The following PRTFDC1 variants were observed in gnomAD, a reference collection of about 807,000 sequenced individuals.
PRTFDC1 encodes phosphoribosyltransferase domain-containing protein 1.
PRTFDC1 carries 38 observed loss-of-function variants against 34.6 expected under a neutral mutation model. That is an observed-to-expected ratio of 1.10 (90% CI 0.85 to 1.44). The LOEUF (loss-of-function observed/expected upper bound fraction) is 1.44, where lower values mean the gene tolerates loss of function less well. Among genes scored for constraint, PRTFDC1 ranks in the 40% most tolerant of loss-of-function variants. The pLI is 0.00. For missense variants in PRTFDC1, 270 were observed against 283.0 expected (o/e 0.95, Z 0.33); for synonymous variants, 93 against 98.1 (o/e 0.95, Z 0.31).
chr10:24,849,693 C>T lies in PRTFDC1; in HGVS notation c.*151G>A, dbSNP rs1407415027. ...AACCTTTGATACTCTTTATATTAACCTCAGAAAAGAAAGCTCTCTCATTTG... is the reference window on the plus strand; with the variant it reads ...AACCTTTGATACTCTTTATATTAACTTCAGAAAAGAAAGCTCTCTCATTTG... On this transcript the variant is annotated 3_prime_UTR_variant, in exon 9 of 9. Coordinates refer to ENST00000320152, the MANE Select transcript of PRTFDC1 (RefSeq NM_020200.7). The T allele has an allele frequency of 6.1e-6, 4 of 657,524 alleles. No homozygotes were observed. In the East Asian group the frequency reaches 8.0e-5, roughly 13 times the overall value. 40.7% of individuals were successfully genotyped at this position (657,524 alleles called of 1,614,324 possible).
intron 3 of PRTFDC1, among the ~76,000 whole-genome samples, chr10:24,893,764 CA>C (rs1438938017): frequency 1.3e-5 from 2 of 152,112 alleles, no homozygotes; most frequent in East Asian, 3.9e-4. Context: ...ATCGTTGGTC[CA>C]AGCTCACTCA....
At chr10:24,935,898 C>T (rs1050504927) in intron 3 of PRTFDC1, among the ~76,000 whole-genome samples, 1 of 152,192 alleles carries the variant, frequency 6.6e-6, no homozygotes, top group African/African-American at 2.4e-5. Context: ...AGCTTGCCAA[C>T]AGTCAGTGAT....
chr10:24,908,441 C>A, intron 3 of PRTFDC1: 1 of 1,557,946 alleles, frequency 6.4e-7, no homozygotes, highest in Admixed American at 1.7e-5. Context: ...ACAGCCAGGG[C>A]TTGAAGACAG....
chr10:24,937,508 T>C (rs1383257447), intron 2 of PRTFDC1, 141 bp from the exon 3 acceptor site: 17 of 663,622 alleles, frequency 2.6e-5, no homozygotes, highest in East Asian at 6.0e-5. Context: ...AACCCACCGA[T>C]AGAAAAGCTT....
At chr10:24,908,558 A>G in intron 3 of PRTFDC1, 4 of 1,612,834 alleles carry the variant, frequency 2.5e-6, no homozygotes, top group Non-Finnish European at 3.4e-6. Context: ...GGGAATGAGC[A>G]CTTGGAGGTA....
At chr10:24,898,286 CAAAA>C (rs34691185) in intron 3 of PRTFDC1, among the ~76,000 whole-genome samples, 2 of 75,186 alleles carry the variant, frequency 2.7e-5, no homozygotes, top group Admixed American at 3.6e-4. Flanking sequence ...CCCGTCTCTA[CAAAA>C]AAAAAAAAAA....
intron 3 of PRTFDC1, among the ~76,000 whole-genome samples, chr10:24,934,141 C>T (rs796144765): frequency 7.9e-5 from 12 of 151,988 alleles, no homozygotes; most frequent in African/African-American, 2.9e-4. Context: ...ATAGAAACAA[C>T]CCAAATATCC....
chr10:24,871,868 C>A lies in PRTFDC1; in HGVS notation c.405+130G>T, dbSNP rs949699456. On this transcript the variant is annotated intron_variant, in intron 4 of 8. Coordinates refer to ENST00000320152, the MANE Select transcript of PRTFDC1 (RefSeq NM_020200.7). ...GAAAGGGGAGATCATTAAAAGGATT[C>A]ACGCAGCCATTTGTATGAATTGGAA... 6.2e-5 allele frequency: 43 copies of A among 696,086 alleles called. 1 individual carries two copies. Among genetic ancestry groups the A allele is most frequent in the South Asian group, 2.4e-4 (12 of 49,584 alleles). The allele number at this position is 696,086 out of a possible 1,614,324, so 43.1% of individuals were successfully genotyped here.
At chr10:24,874,935 G>A (rs1847936526) in intron 3 of PRTFDC1, among the ~76,000 whole-genome samples, 1 of 152,148 alleles carries the variant, frequency 6.6e-6, no homozygotes, top group African/African-American at 2.4e-5. Context: ...AAATATGATG[G>A]TTTTATTAAG....
chr10:24,882,405 A>G (rs1848094015), intron 3 of PRTFDC1, among the ~76,000 whole-genome samples: 1 of 152,092 alleles, frequency 6.6e-6, no homozygotes, highest in Admixed American at 6.5e-5. Context: ...CTCTTTCAGC[A>G]CAGCAGCCGA....
intron 3 of PRTFDC1, among the ~76,000 whole-genome samples, chr10:24,921,603 G>C (rs577850904): frequency 1.3e-5 from 2 of 151,866 alleles, no homozygotes; most frequent in East Asian, 3.9e-4. Flanking sequence ...GTGGGCTGTG[G>C]GGGCCCTTGA....
intron 3 of PRTFDC1, among the ~76,000 whole-genome samples, chr10:24,910,012 A>T (rs1454518291): frequency 7.1e-6 from 1 of 141,662 alleles, no homozygotes; most frequent in Non-Finnish European, 1.6e-5. Flanking sequence ...AAAAAAAAAA[A>T]TAGCCAGGCA....
chr10:24,949,337 C>T (rs1849299899), intron 1 of PRTFDC1, among the ~76,000 whole-genome samples: 1 of 152,158 alleles, frequency 6.6e-6, no homozygotes, highest in African/African-American at 2.4e-5. Context: ...GCTCTCTCAG[C>T]CTCCCAAAGT....
At chr10:24,926,983 A>G (rs995871377) in intron 3 of PRTFDC1, among the ~76,000 whole-genome samples, 4 of 152,252 alleles carry the variant, frequency 2.6e-5, no homozygotes, top group Admixed American at 2.6e-4. Flanking sequence ...GTATGTCAAG[A>G]AAATGCATGG....
At chr10:24,886,956 CTTTTTTTTTTTT>C (rs57910963) in intron 3 of PRTFDC1, among the ~76,000 whole-genome samples, 2 of 86,426 alleles carry the variant, frequency 2.3e-5, no homozygotes, top group Non-Finnish European at 2.1e-5. Flanking sequence ...AATACTCCTT[CTTTTTTTTTTTT>C]TTTTTTTTTT....
At chr10:24,931,089 T>C (rs1848964591) in intron 3 of PRTFDC1, among the ~76,000 whole-genome samples, 1 of 152,018 alleles carries the variant, frequency 6.6e-6, no homozygotes, top group South Asian at 2.1e-4. Flanking sequence ...CTAGAAACAA[T>C]ACAGGAATTA....
chr10:24,909,210 A>G (rs1028078262), intron 3 of PRTFDC1, among the ~76,000 whole-genome samples: 12 of 152,114 alleles, frequency 7.9e-5, no homozygotes, highest in Admixed American at 3.9e-4. Context: ...GAGTACAGCA[A>G]TTCAAGGCTG....
chr10:24,852,132 T>C (rs920538449), intron 7 of PRTFDC1, among the ~76,000 whole-genome samples: 4 of 151,990 alleles, frequency 2.6e-5, no homozygotes, highest in African/African-American at 9.7e-5. Context: ...AAGGTACTTA[T>C]GAAAAGCAAA....
At chr10:24,889,325 G>A (rs1380825559) in intron 3 of PRTFDC1, among the ~76,000 whole-genome samples, 1 of 151,928 alleles carries the variant, frequency 6.6e-6, no homozygotes, top group African/African-American at 2.4e-5. Context: ...GCCTTGATCT[G>A]GGAATTCCCA....
Sources: gnomAD v4.1 joint callset for allele counts (sites outside exome capture counted in the v4.1 genomes callset) on GRCh38, gnomAD v4.1.1 for gene constraint, MANE v1.5 for transcripts, NCBI Gene and HGNC (gene_info 2026-07-23, HGNC 2026-07-21) for gene names.